SLC5A8: variants seen among roughly 807,000 people sequenced by gnomAD.
The protein encoded by SLC5A8 is sodium-coupled monocarboxylate transporter 1.
In SLC5A8, 55 loss-of-function variants were observed where a neutral mutation model predicts 71.9. That is an observed-to-expected ratio of 0.77 (90% CI 0.62 to 0.96). The LOEUF (loss-of-function observed/expected upper bound fraction) is 0.96, where lower values mean the gene tolerates loss of function less well. SLC5A8 is among the 40% of genes least tolerant of loss of function. The pLI is 0.00. For synonymous variants in SLC5A8, 307 were observed against 276.1 expected (o/e 1.11, Z -1.11); for missense variants, 701 against 745.3 (o/e 0.94, Z 0.69).
Position 101,209,560 on chromosome 12 carries a change from C to A in SLC5A8, c.289G>T (p.Val97Phe). 2 of 1,613,866 alleles carry A rather than the reference C, an allele frequency of 1.2e-6. No individual in the cohort carries two copies. The highest frequency in any genetic ancestry group is 1.7e-6 in the Non-Finnish European group (2 of 1,179,918). Reference sequence around the variant, plus strand: ...GGGAGGAAGACCTCCGCGCTGATGACCACCACAAAGAAGTAGGTGAAGGCA... The same window carrying A: ...GGGAGGAAGACCTCCGCGCTGATGAACACCACAAAGAAGTAGGTGAAGGCA... ...IFAFTYFFVV[V>F]ISAEVFLPVF... is the part of the protein sequence containing the mutation. The change falls in exon 1 of 15, where the codon GTC becomes TTC. Residue 97 changes from valine (V) to phenylalanine (F), a missense_variant. Val to Phe is a conservative substitution (Grantham distance 50). Transcript: ENST00000536262.
intron 3 of SLC5A8, among the ~76,000 whole-genome samples, chr12:101,200,268 G>A (rs888829173): frequency 1.3e-5 from 2 of 151,988 alleles, no homozygotes; most frequent in African/African-American, 4.8e-5. Flanking sequence ...ATTTCTGAGA[G>A]TGGATGACGG....
intron 13 of SLC5A8, among the ~76,000 whole-genome samples, chr12:101,158,592 CTCTCTCTA>C (rs1458794506): frequency 2.6e-3 from 66 of 25,880 alleles, no homozygotes; most frequent in Non-Finnish European, 2.7e-3. Flanking sequence ...CTCTCTCTCT[CTCTCTCTA>C]TATATATATA....
intron 12 of SLC5A8, among the ~76,000 whole-genome samples, chr12:101,165,044 C>T (rs150075235): frequency 1.3e-5 from 2 of 151,952 alleles, no homozygotes; most frequent in Non-Finnish European, 1.5e-5. Context: ...TATTGTTTTG[C>T]GTATATTTGC....
chr12:101,198,415 T>C (rs908062209), intron 3 of SLC5A8, among the ~76,000 whole-genome samples: 5 of 151,970 alleles, frequency 3.3e-5, no homozygotes, highest in East Asian at 1.9e-4. Context: ...AATAAGAAGA[T>C]AGAAAACTTA....
intron 10 of SLC5A8, among the ~76,000 whole-genome samples, chr12:101,174,271 T>C (rs934302841): frequency 6.6e-6 from 1 of 152,220 alleles, no homozygotes; most frequent in Non-Finnish European, 1.5e-5. Context: ...CCAGGGGCGA[T>C]GTCTCCTTTT....
chr12:101,209,467 C>A, intron 1 of SLC5A8, 31 bp downstream of exon 1: 1 of 1,520,492 alleles, frequency 6.6e-7, no homozygotes, highest in East Asian at 2.4e-5. Context: ...CCCCCGCGCC[C>A]TGCATGGTCC....
Position 101,197,024 on chromosome 12 carries a change from G to A in SLC5A8, c.470-1862C>T, listed in dbSNP as rs116481521. Among the ~76,000 whole-genome samples the A allele has an allele frequency of 5.7e-3, 864 of 152,258 alleles. 7 individuals are homozygous for A. The highest frequency in any genetic ancestry group is 0.02 in the African/African-American group (817 of 41,552). On this transcript the variant is annotated intron_variant, in intron 3 of 14. Transcript: ENST00000536262. ...GCTGGATAAAAATGGGACAATTTGAGCATCAATAATAATACTAACGATAAT... is the reference window on the plus strand; with the variant it reads ...GCTGGATAAAAATGGGACAATTTGAACATCAATAATAATACTAACGATAAT...
Position 101,187,509 on chromosome 12 carries a change from G to A in SLC5A8, c.840C>T (p.Leu280=). The A allele has an allele frequency of 6.2e-7, 1 of 1,609,676 alleles. No individual in the cohort carries two copies. The highest frequency in any genetic ancestry group is 8.5e-7 in the Non-Finnish European group (1 of 1,178,772). The change falls in exon 7 of 15, where the codon CTC becomes CTT. Residue 280 remains leucine (L), a synonymous_variant. Transcript: ENST00000536262. ...CCCAGAGTCCCACAAGATTGATGTA[G>A]AGAGACCTAAAGAAGTGAAAACAAA... The part of the protein sequence containing the change: ...CKSRFQAKLS[L]YINLVGLWAI...
rs895708859 is a variant in SLC5A8 at position 101,166,574 on chromosome 12, G to A, written c.1446C>T (p.Ser482=). 2 of 1,613,898 alleles carry A rather than the reference G, an allele frequency of 1.2e-6. No homozygotes were observed. Among genetic ancestry groups the A allele is most frequent in the Non-Finnish European group, 1.7e-6 (2 of 1,179,970 alleles). ...TCATCAAATTTGTCTCATTGTAGGT[G>A]CTGTTACAGCCTTGGATATCAAGGT... The part of the protein sequence containing the change: ...PLHLDIQGCN[S]TYNETNLMTT... The change falls in exon 12 of 15, where the codon AGC becomes AGT. Residue 482 remains serine, a synonymous_variant. Coordinates refer to ENST00000536262, the MANE Select transcript of SLC5A8 (RefSeq NM_145913.5).
intron 6 of SLC5A8, among the ~76,000 whole-genome samples, chr12:101,187,973 A>G (rs1868732820): frequency 6.6e-6 from 1 of 152,254 alleles, no homozygotes; most frequent in Non-Finnish European, 1.5e-5. Context: ...TTATAAGACC[A>G]CACATTAAGT....
intron 12 of SLC5A8, among the ~76,000 whole-genome samples, chr12:101,162,416 T>C (rs746641578): frequency 6.6e-5 from 10 of 152,128 alleles, no homozygotes; most frequent in Admixed American, 1.3e-4. Context: ...GAAAATAAAT[T>C]GTTCTACCAA....
At chr12:101,195,929 T>G (rs551778201) in intron 3 of SLC5A8, among the ~76,000 whole-genome samples, 2 of 152,156 alleles carry the variant, frequency 1.3e-5, no homozygotes, top group Non-Finnish European at 2.9e-5. Context: ...TCGCCTGACT[T>G]CGTGATCCAC....
At chr12:101,205,659 T>C (rs1869650257) in intron 1 of SLC5A8, among the ~76,000 whole-genome samples, 1 of 152,176 alleles carries the variant, frequency 6.6e-6, no homozygotes, top group Admixed American at 6.5e-5. Flanking sequence ...GTACTTGCTG[T>C]GTGCATGGTC....
At chr12:101,206,296 G>A (rs1189487046) in intron 1 of SLC5A8, among the ~76,000 whole-genome samples, 5 of 152,214 alleles carry the variant, frequency 3.3e-5, no homozygotes, top group African/African-American at 9.6e-5. Context: ...GAACAAGGCA[G>A]TATTATTATA....
At chr12:101,188,821 C>T (rs1448961541) in intron 6 of SLC5A8, among the ~76,000 whole-genome samples, 1 of 152,138 alleles carries the variant, frequency 6.6e-6, no homozygotes, top group African/African-American at 2.4e-5. Context: ...GAAAATTATG[C>T]CCAGATACTC....
chr12:101,189,312 C>T (rs1264209268), intron 6 of SLC5A8, among the ~76,000 whole-genome samples: 8 of 152,242 alleles, frequency 5.3e-5, no homozygotes, highest in Admixed American at 2.0e-4. Flanking sequence ...GATCCCATAT[C>T]TGGTTATTAT....
chr12:101,180,012 C>CA lies in SLC5A8; in HGVS notation c.1233+16dup. Reference sequence around the variant, plus strand: ...TTTAGTGATTTATGACTTAAACCTCCAGGGGCCAGCTCTCACCTGCAACAA... The same window carrying CA: ...TTTAGTGATTTATGACTTAAACCTCCAAGGGGCCAGCTCTCACCTGCAACAA... On this transcript the variant is annotated intron_variant, in intron 10 of 14. Transcript: ENST00000536262. The CA allele has an allele frequency of 6.2e-7, 1 of 1,613,796 alleles. No individual in the cohort carries two copies. Among genetic ancestry groups the CA allele is most frequent in the African/African-American group, 1.3e-5 (1 of 75,006 alleles).
At chr12:101,184,819 T>TA (rs1349968206) in intron 7 of SLC5A8, among the ~76,000 whole-genome samples, 8 of 152,186 alleles carry the variant, frequency 5.3e-5, no homozygotes, top group Non-Finnish European at 7.3e-5. Flanking sequence ...TTGCTTCTGT[T>TA]AAAAAACTTC....
rs1381637518 is a variant in SLC5A8 at position 101,155,669 on chromosome 12, ATTTTTT to A, written c.*1604_*1609del. ...GCCTAGCTAAGTTTTTTTTATTTTT[ATTTTTT>A]ATTTTTGTAGAGATGAGGTCTAACT... On this transcript the variant is annotated 3_prime_UTR_variant, in exon 15 of 15. Transcript: ENST00000536262. 6.7e-6 allele frequency: 1 copy of A among 149,674 alleles called. No homozygotes were observed. The highest frequency in any genetic ancestry group is 1.5e-5 in the Non-Finnish European group (1 of 67,478). The allele number at this position is 149,674 out of a possible 1,614,324, so 9.3% of individuals were successfully genotyped here. A position where few individuals can be genotyped will look rare whatever the true frequency, so the allele number is the denominator to read the frequency against.
Sources: allele counts gnomAD v4.1 joint callset (sites outside exome capture counted in the v4.1 genomes callset), GRCh38; gene constraint gnomAD v4.1.1; transcripts MANE v1.5; gene names NCBI Gene and HGNC (gene_info 2026-07-23, HGNC 2026-07-21).